The following ASIC2 variants were observed in gnomAD, a reference collection of about 807,000 sequenced individuals.
ASIC2 encodes acid-sensing ion channel 2.
Under a neutral mutation model 57.3 loss-of-function variants are expected in ASIC2, and 25 were observed. The observed-to-expected ratio is 0.44, with a 90% CI of 0.32 to 0.61. The LOEUF (loss-of-function observed/expected upper bound fraction) is 0.61. ASIC2 is among the 20% of genes least tolerant of loss of function. The pLI, the probability that ASIC2 is intolerant of heterozygous loss-of-function variation, is 0.06. For missense variants in ASIC2, 641 were observed against 738.1 expected (o/e 0.87, Z 1.52); for synonymous variants, 319 against 307.5 (o/e 1.04, Z -0.39).
At chr17:34,119,727 G>T (rs1037859388) in intron 1 of ASIC2, among the ~76,000 whole-genome samples, 12 of 151,824 alleles carry the variant, frequency 7.9e-5, no homozygotes, top group Non-Finnish European at 1.6e-4. Flanking sequence ...CCTTCTGCTG[G>T]TTCATACTTT....
At chr17:33,893,499 G>A (rs1431289190) in intron 1 of ASIC2, among the ~76,000 whole-genome samples, 1 of 152,162 alleles carries the variant, frequency 6.6e-6, no homozygotes, top group Non-Finnish European at 1.5e-5. Context: ...CAATTTATAG[G>A]AGGTAGTCAC....
At chr17:33,462,741 A>T (rs945174258) in intron 1 of ASIC2, among the ~76,000 whole-genome samples, 11 of 152,248 alleles carry the variant, frequency 7.2e-5, no homozygotes, top group African/African-American at 2.7e-4. Context: ...CTACTTTGAT[A>T]TTCAGAAGGA....
At chr17:33,574,626 T>G (rs7212999) in intron 1 of ASIC2, among the ~76,000 whole-genome samples, 1 of 152,026 alleles carries the variant, frequency 6.6e-6, no homozygotes, top group Non-Finnish European at 1.5e-5. Flanking sequence ...CCCTGGGGAG[T>G]AAAACTGCCC....
At chr17:34,051,081 A>G (rs899827711) in intron 1 of ASIC2, among the ~76,000 whole-genome samples, 1 of 152,090 alleles carries the variant, frequency 6.6e-6, no homozygotes, top group African/African-American at 2.4e-5. Context: ...CTTTCCTGCA[A>G]CTCTTGGGTG....
intron 1 of ASIC2, among the ~76,000 whole-genome samples, chr17:33,269,628 T>C (rs987963830): frequency 2.6e-4 from 14 of 53,056 alleles, no homozygotes; most frequent in Non-Finnish European, 4.2e-5. Flanking sequence ...CCTTCCTTCC[T>C]TCCTTCCTTC....
intron 1 of ASIC2, among the ~76,000 whole-genome samples, chr17:33,389,969 C>T (rs182834809): frequency 6.6e-6 from 1 of 152,226 alleles, no homozygotes; most frequent in East Asian, 1.9e-4. Context: ...AGAATCACGG[C>T]CTGCTGAGGC....
chr17:33,311,078 C>T (rs917683424), intron 1 of ASIC2, among the ~76,000 whole-genome samples: 3 of 152,176 alleles, frequency 2.0e-5, no homozygotes, highest in African/African-American at 7.2e-5. Context: ...CTCTGCAAGA[C>T]TCCAGTTCCA....
At chr17:33,488,930 G>A (rs947572970) in intron 1 of ASIC2, among the ~76,000 whole-genome samples, 5 of 151,976 alleles carry the variant, frequency 3.3e-5, no homozygotes, top group African/African-American at 1.2e-4. Flanking sequence ...TGAGTTCCCC[G>A]AGACTCTTCA....
intron 1 of ASIC2, among the ~76,000 whole-genome samples, chr17:33,458,521 C>T (rs1389476680): frequency 6.6e-6 from 1 of 152,208 alleles, no homozygotes; most frequent in Non-Finnish European, 1.5e-5. Context: ...AATCCCATCT[C>T]TATCACTTTC....
chr17:34,058,018 C>T (rs1361363410), intron 1 of ASIC2, among the ~76,000 whole-genome samples: 3 of 152,166 alleles, frequency 2.0e-5, no homozygotes, highest in African/African-American at 7.2e-5. Flanking sequence ...CTCTACCTAC[C>T]TAAACACGGT....
chr17:33,731,682 C>T (rs1394337466), intron 1 of ASIC2, among the ~76,000 whole-genome samples: 1 of 152,218 alleles, frequency 6.6e-6, no homozygotes, highest in African/African-American at 2.4e-5. Flanking sequence ...AACTGAAGGT[C>T]TTCAGATATT....
intron 1 of ASIC2, among the ~76,000 whole-genome samples, chr17:33,662,290 G>T (rs1194011853): frequency 2.0e-5 from 3 of 151,888 alleles, no homozygotes; most frequent in African/African-American, 7.3e-5. Flanking sequence ...TTAAATGAAG[G>T]GTGTGTTATG....
intron 3 of ASIC2, among the ~76,000 whole-genome samples, chr17:33,058,430 T>C (rs2092006286): frequency 7.3e-6 from 1 of 136,858 alleles, no homozygotes; most frequent in African/African-American, 2.8e-5. Flanking sequence ...TTAATCTACA[T>C]GCAATTTTCT....
intron 1 of ASIC2, among the ~76,000 whole-genome samples, chr17:33,383,028 A>AAAACAAAC (rs60768735): frequency 0.68 from 101,943 of 150,608 alleles, 34,668 homozygotes; most frequent in East Asian, 0.87. Flanking sequence ...GGGAATATAA[A>AAAACAAAC]AAACAAACAA....
chr17:33,106,555 C>T (rs1322554422), intron 2 of ASIC2, among the ~76,000 whole-genome samples: 1 of 152,188 alleles, frequency 6.6e-6, no homozygotes, highest in Non-Finnish European at 1.5e-5. Context: ...CTCACCCTCA[C>T]CCCCACTCAC....
intron 1 of ASIC2, among the ~76,000 whole-genome samples, chr17:33,303,431 T>TA (rs1906041858): frequency 6.6e-6 from 1 of 152,142 alleles, no homozygotes; most frequent in African/African-American, 2.4e-5. Context: ...GAGGTACCCA[T>TA]AGGTTCAAGT....
chr17:33,944,105 A>C (rs1916254245), intron 1 of ASIC2, among the ~76,000 whole-genome samples: 1 of 152,112 alleles, frequency 6.6e-6, no homozygotes, highest in Non-Finnish European at 1.5e-5. Flanking sequence ...GTGGTATCAC[A>C]AGTTCTGTCT....
intron 3 of ASIC2, among the ~76,000 whole-genome samples, chr17:33,055,440 C>T (rs1445703358): frequency 6.6e-6 from 1 of 152,190 alleles, no homozygotes; most frequent in African/African-American, 2.4e-5. Context: ...TTCCTGCTCC[C>T]CCGTCTGCTT....
chr17:33,213,276 A>T (rs1011780356), intron 1 of ASIC2, among the ~76,000 whole-genome samples: 14 of 152,334 alleles, frequency 9.2e-5, no homozygotes, highest in Middle Eastern at 3.4e-3. Flanking sequence ...AGGTGGAAAA[A>T]AAACCTTGCT....
Sources: gnomAD v4.1 joint callset for allele counts (sites outside exome capture counted in the v4.1 genomes callset) on GRCh38, gnomAD v4.1.1 for gene constraint, MANE v1.5 for transcripts, NCBI Gene and HGNC (gene_info 2026-07-23, HGNC 2026-07-21) for gene names.